The following IL23R variants were observed in gnomAD, a reference collection of about 807,000 sequenced individuals.
IL23R encodes interleukin 23 receptor.
Under a neutral mutation model 56.9 loss-of-function variants are expected in IL23R, and 34 were observed. That is an observed-to-expected ratio of 0.60 (90% CI 0.45 to 0.80). The LOEUF is 0.80. Among genes scored for constraint, IL23R ranks in the 30% least tolerant of loss-of-function variants. The pLI is 0.00. For synonymous variants in IL23R, 230 were observed against 249.2 expected (o/e 0.92, Z 0.73); for missense variants, 635 against 730.0 (o/e 0.87, Z 1.50).
chr1:67,162,629 G>T (rs1646832700), upstream of IL23R, among the ~76,000 whole-genome samples: 1 of 152,174 alleles, frequency 6.6e-6, no homozygotes, highest in Non-Finnish European at 1.5e-5. Context: ...AAATATTTTA[G>T]TGAGCTTCAC....
intron 7 of IL23R, among the ~76,000 whole-genome samples, chr1:67,230,281 T>C (rs1651011242): frequency 6.6e-6 from 1 of 152,208 alleles, no homozygotes; most frequent in African/African-American, 2.4e-5. Context: ...CTCTCAGCTT[T>C]TTTAGGATGC....
At chr1:67,205,848 G>A (rs932159145) in intron 5 of IL23R, among the ~76,000 whole-genome samples, 1 of 151,226 alleles carries the variant, frequency 6.6e-6, no homozygotes, top group Non-Finnish European at 1.5e-5. Flanking sequence ...AGATTATTGT[G>A]ATAAAAGATC....
At chr1:67,249,137 A>AT (rs1448540813) in intron 9 of IL23R, among the ~76,000 whole-genome samples, 1 of 152,032 alleles carries the variant, frequency 6.6e-6, no homozygotes, top group Non-Finnish European at 1.5e-5. Context: ...CAGCATGCTG[A>AT]TTTTTCACGC....
At chr1:67,251,685 C>G (rs1473578003) in intron 9 of IL23R, among the ~76,000 whole-genome samples, 3 of 152,042 alleles carry the variant, frequency 2.0e-5, no homozygotes, top group African/African-American at 7.2e-5. Flanking sequence ...GGAAGAGAAT[C>G]AGCAAATGAT....
intron 4 of IL23R, among the ~76,000 whole-genome samples, chr1:67,188,330 C>A (rs1307504306): frequency 6.6e-6 from 1 of 152,192 alleles, no homozygotes; most frequent in Non-Finnish European, 1.5e-5. Context: ...TCGACCTACA[C>A]TGAGTTGGCC....
chr1:67,160,084 C>T (rs1646805070), intron 1 of IL23R, among the ~76,000 whole-genome samples: 1 of 152,090 alleles, frequency 6.6e-6, no homozygotes, highest in South Asian at 2.1e-4. Context: ...AATTCCTGGA[C>T]TCAAGCAATC....
chr1:67,156,406 T>G (rs1364608664), intron 1 of IL23R, among the ~76,000 whole-genome samples: 2 of 152,208 alleles, frequency 1.3e-5, no homozygotes, highest in Non-Finnish European at 2.9e-5. Flanking sequence ...AAACTGTGAC[T>G]GCAGCTGTCC....
At chr1:67,206,195 G>A (rs1649042893) in intron 5 of IL23R, among the ~76,000 whole-genome samples, 1 of 151,674 alleles carries the variant, frequency 6.6e-6, no homozygotes, top group Non-Finnish European at 1.5e-5. Flanking sequence ...TCTGTTTTTA[G>A]TAGAGACAGG....
intron 3 of IL23R, among the ~76,000 whole-genome samples, chr1:67,181,572 G>T (rs1275586462): frequency 6.6e-6 from 1 of 152,140 alleles, no homozygotes; most frequent in Non-Finnish European, 1.5e-5. Flanking sequence ...TTTGCCATGG[G>T]TTCAAACTTC....
rs777308496 is a variant in IL23R, at chr1:67,207,138, G to A, written c.798+83G>A. On this transcript the variant is annotated intron_variant, in intron 6 of 10. Transcript: ENST00000347310. ...TCAGTGGCTACAGTGGACTTATTATGTCTATTTTACATGTTTTTAATCTGA... is the reference window on the plus strand; with the variant it reads ...TCAGTGGCTACAGTGGACTTATTATATCTATTTTACATGTTTTTAATCTGA... 59 of 1,350,596 alleles carry A rather than the reference G, an allele frequency of 4.4e-5. No individual in the cohort carries two copies. In the African/African-American group the frequency reaches 6.8e-4, roughly 15 times the overall value. 83.7% of individuals were successfully genotyped at this position (1,350,596 alleles called of 1,614,324 possible).
chr1:67,242,907 TC>T (rs928339280), intron 9 of IL23R, among the ~76,000 whole-genome samples: 1 of 152,230 alleles, frequency 6.6e-6, no homozygotes, highest in African/African-American at 2.4e-5. Flanking sequence ...TATTTAAATG[TC>T]CAATCAGGTA....
intron 1 of IL23R, among the ~76,000 whole-genome samples, chr1:67,150,248 CTTTTTTTTTT>C (rs552806817): frequency 5.4e-5 from 6 of 110,264 alleles, no homozygotes; most frequent in Admixed American, 3.0e-4. Flanking sequence ...GCATTTCGAA[CTTTTTTTTTT>C]TTTTTTTTTT....
Position 67,171,652 on chromosome 1 carries a change from T to C in IL23R, c.367+2014T>C, listed in dbSNP as rs528525813. Reference sequence around the variant, plus strand: ...TACGTGGTTGCTGTGAATTTTCTGTTTTCAGGAAAAACTAGTCTGTGGGAG... The same window carrying C: ...TACGTGGTTGCTGTGAATTTTCTGTCTTCAGGAAAAACTAGTCTGTGGGAG... On this transcript the variant is annotated intron_variant, in intron 3 of 10. Coordinates refer to ENST00000347310, the MANE Select transcript of IL23R (RefSeq NM_144701.3). Among the ~76,000 whole-genome samples, 59 of 152,340 alleles carry C rather than the reference T, an allele frequency of 3.9e-4. No individual in the cohort carries two copies. The South Asian group carries it at 0.012, about 32-fold the overall frequency.
chr1:67,222,014 A>T (rs1003860442), intron 7 of IL23R, among the ~76,000 whole-genome samples: 9 of 152,020 alleles, frequency 5.9e-5, no homozygotes, highest in African/African-American at 2.2e-4. Flanking sequence ...TATTTAAAAA[A>T]AATAAAAATA....
At chr1:67,159,567 G>T (rs934763463) in intron 1 of IL23R, among the ~76,000 whole-genome samples, 7 of 152,096 alleles carry the variant, frequency 4.6e-5, no homozygotes, top group Non-Finnish European at 7.4e-5. Context: ...ACTAATACAA[G>T]TATATAAGTC....
chr1:67,232,918 C>T (rs1245751019), intron 7 of IL23R, among the ~76,000 whole-genome samples: 2 of 151,966 alleles, frequency 1.3e-5, no homozygotes, highest in Non-Finnish European at 2.9e-5. Context: ...AGGGGCTTTT[C>T]CCCCTTTGCT....
chr1:67,147,190 A>G lies in IL23R; in HGVS notation c.-634+8029A>G, dbSNP rs142476020. On this transcript the variant is annotated intron_variant, in intron 1 of 10. Coordinates refer to the IL23R transcript ENST00000637002. The stretch of plus-strand genomic sequence containing the variant: ...AGATGAGAGGTGGATGTTGCAAGCA[A>G]GAGTGAGTGCTGGTTCTGTCAAGTC... 1.7e-4 allele frequency among the ~76,000 whole-genome samples: 26 copies of G among 152,260 alleles called. 1 individual carries two copies. The East Asian group carries it at 5.0e-3, about 29-fold the overall frequency.
At chr1:67,253,446 GA>G (rs1652760806) in intron 9 of IL23R, among the ~76,000 whole-genome samples, 1 of 151,944 alleles carries the variant, frequency 6.6e-6, no homozygotes, top group Non-Finnish European at 1.5e-5. Flanking sequence ...GTTCTTTGCC[GA>G]ATTGGCACTG....
intron 6 of IL23R, among the ~76,000 whole-genome samples, chr1:67,208,275 G>GC (rs1649222351): frequency 1.3e-5 from 2 of 152,288 alleles, no homozygotes; most frequent in African/African-American, 4.8e-5. Context: ...ACCCATTCTG[G>GC]GGGGGAGAAA....
Sources: allele counts gnomAD v4.1 joint callset (sites outside exome capture counted in the v4.1 genomes callset), GRCh38; gene constraint gnomAD v4.1.1; transcripts MANE v1.5; gene names NCBI Gene and HGNC (gene_info 2026-07-23, HGNC 2026-07-21).